PTPN4: variants seen among roughly 807,000 people sequenced by gnomAD.
PTPN4 encodes protein tyrosine phosphatase non-receptor type 4, also known as tyrosine-protein phosphatase non-receptor type 4.
A neutral mutation model predicts 135.5 loss-of-function variants in PTPN4; 49 were observed. That is an observed-to-expected ratio of 0.36 (90% CI 0.29 to 0.46). The LOEUF (loss-of-function observed/expected upper bound fraction) is 0.46. Among genes scored for constraint, PTPN4 ranks in the 20% least tolerant of loss-of-function variants. PTPN4 has a pLI of 1.00. For missense variants in PTPN4, 860 were observed against 1,101.0 expected (o/e 0.78, Z 3.10); for synonymous variants, 333 against 369.9 (o/e 0.90, Z 1.14).
At chr2:119,800,911 G>T (rs1203281633) in intron 1 of PTPN4, among the ~76,000 whole-genome samples, 1 of 151,964 alleles carries the variant, frequency 6.6e-6, no homozygotes, top group Non-Finnish European at 1.5e-5. Flanking sequence ...AGTGATCTCG[G>T]TGTCTCTACT....
At chr2:119,956,966 T>C in intron 21 of PTPN4, 32 bp downstream of exon 21, 1 of 1,602,706 alleles carries the variant, frequency 6.2e-7, no homozygotes, top group Non-Finnish European at 8.5e-7. Context: ...TTAAATTTAA[T>C]CTTTTAAACA....
intron 1 of PTPN4, among the ~76,000 whole-genome samples, chr2:119,786,580 A>G (rs565526718): frequency 6.6e-6 from 1 of 152,110 alleles, no homozygotes; most frequent in African/African-American, 2.4e-5. Context: ...TCCTTTCTAC[A>G]TGTGACCTGG....
chr2:119,969,552 CTTTTTTTTT>C (rs35531556), intron 26 of PTPN4, among the ~76,000 whole-genome samples: 1 of 113,862 alleles, frequency 8.8e-6, no homozygotes, highest in Non-Finnish European at 1.7e-5. Flanking sequence ...TAATCAATTT[CTTTTTTTTT>C]TTTTTTTTTT....
chr2:119,847,268 C>G (rs1343187565), intron 2 of PTPN4, among the ~76,000 whole-genome samples: 4 of 110,728 alleles, frequency 3.6e-5, no homozygotes, highest in Non-Finnish European at 7.2e-5. Context: ...AAAGGAGATA[C>G]TCTATATACA....
At chr2:119,961,104 C>G (rs1679358838) in intron 23 of PTPN4, 151 bp downstream of exon 23, 1 of 895,066 alleles carries the variant, frequency 1.1e-6, no homozygotes, top group African/African-American at 1.7e-5. Flanking sequence ...TGTTTAAGTG[C>G]ATAAAACTGT....
In PTPN4 at chr2:119,882,630, GT is replaced by G. The variant is rs1280241365; in HGVS notation, c.587+13del. ...AATTACATCAGCAACACATGTAAGA[GT>G]TTTTTAGTTTTTTATTTGATAAACT... On this transcript the variant is annotated splice_region_variant and intron_variant, in intron 8 of 26. Coordinates refer to ENST00000263708, the MANE Select transcript of PTPN4 (RefSeq NM_002830.4). 4.7e-6 allele frequency: 7 copies of G among 1,493,198 alleles called. No individual in the cohort carries two copies. Among genetic ancestry groups the G allele is most frequent in the Non-Finnish European group, 5.4e-6 (6 of 1,103,322 alleles). The allele number at this position is 1,493,198 out of a possible 1,614,324, so 92.5% of individuals were successfully genotyped here.
At chr2:119,895,296 C>T (rs192906037) in intron 9 of PTPN4, among the ~76,000 whole-genome samples, 54 of 152,206 alleles carry the variant, frequency 3.5e-4, no homozygotes, top group Middle Eastern at 6.8e-3. Context: ...TTTGCGTTAT[C>T]GTACTGTTAA....
intron 2 of PTPN4, among the ~76,000 whole-genome samples, chr2:119,816,096 A>G (rs1348933870): frequency 2.6e-5 from 4 of 152,222 alleles, no homozygotes; most frequent in African/African-American, 4.8e-5. Context: ...GTGTACTCAC[A>G]TGTAGATGGT....
intron 2 of PTPN4, among the ~76,000 whole-genome samples, chr2:119,815,009 G>C (rs1171182345): frequency 1.3e-5 from 2 of 152,072 alleles, no homozygotes; most frequent in Non-Finnish European, 2.9e-5. Flanking sequence ...TTAGAGTTGA[G>C]CACAATTAAG....
At chr2:119,889,204 G>C (rs2105007377) in intron 9 of PTPN4, among the ~76,000 whole-genome samples, 1 of 152,258 alleles carries the variant, frequency 6.6e-6, no homozygotes, top group East Asian at 1.9e-4. Flanking sequence ...CGGATCACGA[G>C]GTCAGGAGAT....
At chr2:119,835,930 G>C (rs974119626) in intron 2 of PTPN4, among the ~76,000 whole-genome samples, 8 of 152,072 alleles carry the variant, frequency 5.3e-5, no homozygotes, top group East Asian at 3.9e-4. Context: ...TTAGCCAGGC[G>C]TGGTGGCGGG....
chr2:119,781,292 G>A (rs1461329506), intron 1 of PTPN4, among the ~76,000 whole-genome samples: 2 of 152,112 alleles, frequency 1.3e-5, no homozygotes, highest in Non-Finnish European at 2.9e-5. Flanking sequence ...AGTGTTATTG[G>A]AGTATTTTGA....
intron 1 of PTPN4, among the ~76,000 whole-genome samples, chr2:119,792,890 A>G (rs899572776): frequency 2.6e-5 from 4 of 152,180 alleles, no homozygotes; most frequent in African/African-American, 9.7e-5. Context: ...GAGGGAGTGT[A>G]TGAATAGGGT....
intron 15 of PTPN4, among the ~76,000 whole-genome samples, chr2:119,942,750 G>A (rs527260923): frequency 1.3e-5 from 2 of 152,146 alleles, no homozygotes; most frequent in African/African-American, 4.8e-5. Context: ...TTCTGCTAAG[G>A]GATGTCCATC....
chr2:119,817,545 C>T lies in PTPN4; in HGVS notation c.138+7554C>T, dbSNP rs186118463. ...TATATGTCTGTTTTTGTACTAGTAC[C>T]GTACTGTTTTTGGTTACTGTAGCCC... is the stretch of plus-strand genomic sequence containing the variant. On this transcript the variant is annotated intron_variant, in intron 2 of 26. Coordinates refer to ENST00000263708, the MANE Select transcript of PTPN4 (RefSeq NM_002830.4). Among the ~76,000 whole-genome samples the T allele has an allele frequency of 1.6e-4, 24 of 152,030 alleles. No individual in the cohort carries two copies. The East Asian group carries it at 3.1e-3, about 20-fold the overall frequency.
intron 2 of PTPN4, among the ~76,000 whole-genome samples, chr2:119,828,743 A>T (rs1438995149): frequency 2.0e-5 from 3 of 152,158 alleles, no homozygotes; most frequent in Non-Finnish European, 4.4e-5. Flanking sequence ...GTAGAATTTC[A>T]TTGTGGTTTT....
At chr2:119,973,655 G>GTTTTTTTGTTTTTTTTTTTTTTTTTT (rs1679569082) in intron 26 of PTPN4, among the ~76,000 whole-genome samples, 1 of 38,394 alleles carries the variant, frequency 2.6e-5, no homozygotes, top group African/African-American at 1.3e-4. Flanking sequence ...TTCATTTCTT[G>GTTTTTTTGTTTTTTTTTTTTTTTTTT]TTTTTTTTTT....
At chr2:119,945,905 A>G (rs72952810) in intron 16 of PTPN4, among the ~76,000 whole-genome samples, 3,870 of 152,200 alleles carry the variant, frequency 0.025, 163 homozygotes, top group African/African-American at 0.087. Flanking sequence ...ATACACTTTA[A>G]ATAGGTGAAT....
At chr2:119,851,722 C>T (rs1677594499) in intron 2 of PTPN4, among the ~76,000 whole-genome samples, 1 of 152,194 alleles carries the variant, frequency 6.6e-6, no homozygotes, top group Non-Finnish European at 1.5e-5. Flanking sequence ...GCCCTTTTTA[C>T]TTCTCCCTGG....
Sources: gnomAD v4.1 joint callset for allele counts (sites outside exome capture counted in the v4.1 genomes callset) on GRCh38, gnomAD v4.1.1 for gene constraint, MANE v1.5 for transcripts, NCBI Gene and HGNC (gene_info 2026-07-23, HGNC 2026-07-21) for gene names.